Variants in MCHR2 observed in about 807,000 individuals in gnomAD.
MCHR2 encodes melanin concentrating hormone receptor 2.
Under a neutral mutation model 24.8 loss-of-function variants are expected in MCHR2, and 15 were observed. The ratio of observed to expected loss-of-function variants is 0.60; its 90% CI spans 0.40 to 0.93. The LOEUF is 0.93. Among genes scored for constraint, MCHR2 ranks in the 40% least tolerant of loss-of-function variants. The pLI is 0.00. For synonymous variants in MCHR2, 151 were observed against 147.6 expected, an observed-to-expected ratio of 1.02 and a Z score of -0.17; for missense variants, 386 against 408.7, an observed-to-expected ratio of 0.94 and a Z score of 0.48.
chr6:99,922,306 A>G (rs1487396063), intron 5 of MCHR2, among the ~76,000 whole-genome samples: 3 of 151,920 alleles, frequency 2.0e-5, no homozygotes, highest in African/African-American at 4.8e-5. Context: ...ACAGGGTTTC[A>G]CCGTGTTAGC....
At chr6:99,973,785 G>T (rs1436525404) in intron 1 of MCHR2, among the ~76,000 whole-genome samples, 4 of 152,132 alleles carry the variant, frequency 2.6e-5, no homozygotes, top group Non-Finnish European at 5.9e-5. Context: ...GCATTTGCTT[G>T]TCTGTAAAGT....
At chr6:99,965,144 G>T (rs1775271150) in intron 1 of MCHR2, among the ~76,000 whole-genome samples, 1 of 152,064 alleles carries the variant, frequency 6.6e-6, no homozygotes, top group Non-Finnish European at 1.5e-5. Flanking sequence ...GGTTCTGCAG[G>T]TTATAATAAC....
intron 4 of MCHR2, among the ~76,000 whole-genome samples, chr6:99,939,716 T>C (rs1029622520): frequency 1.3e-5 from 2 of 151,898 alleles, no homozygotes; most frequent in Non-Finnish European, 2.9e-5. Context: ...GTGTTTTTTT[T>C]TTTTTCTTTC....
chr6:99,969,252 G>T (rs181272208), intron 1 of MCHR2, among the ~76,000 whole-genome samples: 2 of 151,968 alleles, frequency 1.3e-5, no homozygotes, highest in Non-Finnish European at 2.9e-5. Context: ...GAGGCGGGAG[G>T]ATCACGATGT....
chr6:99,928,956 C>G lies in MCHR2; in HGVS notation c.707+5442G>C, dbSNP rs187693762. On this transcript the variant is annotated intron_variant, in intron 5 of 5. Coordinates refer to ENST00000281806, the MANE Select transcript of MCHR2 (RefSeq NM_001040179.2). Reference sequence around the variant, plus strand: ...GGGTGTCAATTTTGGATCTTTCCTGCTTTCTCTTGTGGGCATTTAGTGCTA... The same window carrying G: ...GGGTGTCAATTTTGGATCTTTCCTGGTTTCTCTTGTGGGCATTTAGTGCTA... Among the ~76,000 whole-genome samples the G allele has an allele frequency of 7.5e-3, 1,142 of 152,178 alleles. 9 individuals carry two copies. Among genetic ancestry groups the G allele is most frequent in the African/African-American group, 0.025 (1,049 of 41,494 alleles).
At chr6:99,934,240 CAT>C (rs775854662) in intron 5 of MCHR2, among the ~76,000 whole-genome samples, 156 bp downstream of exon 5, 37 of 152,192 alleles carry the variant, frequency 2.4e-4, no homozygotes, top group South Asian at 1.4e-3. Flanking sequence ...TTATTTAGCA[CAT>C]GTCTTATTTT....
chr6:99,929,749 G>T (rs1402155063), intron 5 of MCHR2, among the ~76,000 whole-genome samples: 4 of 151,960 alleles, frequency 2.6e-5, no homozygotes, highest in Non-Finnish European at 4.4e-5. Flanking sequence ...CGTGAGATGG[G>T]TGTTCTGAAT....
chr6:99,950,773 C>T (rs1774950574), intron 2 of MCHR2, among the ~76,000 whole-genome samples: 1 of 152,072 alleles, frequency 6.6e-6, no homozygotes, highest in South Asian at 2.1e-4. Flanking sequence ...TTATTGTTTG[C>T]ATTTTCTCAC....
chr6:99,927,705 G>A (rs528933081), intron 5 of MCHR2, among the ~76,000 whole-genome samples: 3 of 152,072 alleles, frequency 2.0e-5, no homozygotes, highest in Non-Finnish European at 4.4e-5. Context: ...AGATTTTGCT[G>A]AAGTTGCTTA....
chr6:99,922,210 C>T (rs1185464978), intron 5 of MCHR2, among the ~76,000 whole-genome samples: 1 of 151,580 alleles, frequency 6.6e-6, no homozygotes, highest in Non-Finnish European at 1.5e-5. Flanking sequence ...GGGTTCATGC[C>T]ATTCTCCTGC....
At chr6:99,966,988 T>C (rs1201109037) in intron 1 of MCHR2, among the ~76,000 whole-genome samples, 4 of 152,174 alleles carry the variant, frequency 2.6e-5, no homozygotes, top group South Asian at 2.1e-4. Context: ...ACCTTTGGGT[T>C]GAACCCATCC....
At chr6:99,942,182 A>G (rs1235258304) in intron 4 of MCHR2, among the ~76,000 whole-genome samples, 5 of 152,188 alleles carry the variant, frequency 3.3e-5, no homozygotes, top group African/African-American at 1.2e-4. Flanking sequence ...CAAACTGCAT[A>G]GCTTAAAACA....
At chr6:99,956,318 TC>T in intron 1 of MCHR2, 144 bp from the exon 2 acceptor site, 1 of 577,096 alleles carries the variant, frequency 1.7e-6, no homozygotes, top group Non-Finnish European at 3.0e-6. Flanking sequence ...GTATGATTGG[TC>T]CCTGTTCATA....
chr6:99,972,510 C>A (rs1775447955), intron 1 of MCHR2, among the ~76,000 whole-genome samples: 1 of 152,198 alleles, frequency 6.6e-6, no homozygotes, highest in East Asian at 1.9e-4. Context: ...TTCAAAAAAC[C>A]AGCTCCTGGA....
chr6:99,984,355 A>C (rs1193294793), intron 1 of MCHR2, among the ~76,000 whole-genome samples: 3 of 151,852 alleles, frequency 2.0e-5, no homozygotes, highest in African/African-American at 4.8e-5. Context: ...GGTGTGCTGC[A>C]CCCATTAACT....
chr6:99,939,154 T>A (rs1184603294), intron 4 of MCHR2, among the ~76,000 whole-genome samples: 1 of 152,028 alleles, frequency 6.6e-6, no homozygotes, highest in Non-Finnish European at 1.5e-5. Context: ...GCCTTTTAAT[T>A]GGAAAATTGA....
intron 1 of MCHR2, among the ~76,000 whole-genome samples, chr6:99,981,461 T>TG (rs1364261813): frequency 3.9e-5 from 6 of 152,284 alleles, no homozygotes; most frequent in African/African-American, 1.4e-4. Flanking sequence ...CCTTTCTCTG[T>TG]GGGAATCTGG....
chr6:99,949,590 C>T (rs530507734), intron 2 of MCHR2, among the ~76,000 whole-genome samples: 3 of 152,160 alleles, frequency 2.0e-5, no homozygotes, highest in South Asian at 4.1e-4. Flanking sequence ...TTAGACTGGG[C>T]GAGGCCATCT....
intron 1 of MCHR2, among the ~76,000 whole-genome samples, chr6:99,961,684 C>T (rs1028851201): frequency 1.3e-5 from 2 of 152,056 alleles, no homozygotes; most frequent in Middle Eastern, 3.4e-3. Context: ...GGGTGGGGGA[C>T]ATCACACACC....
Sources: gnomAD v4.1 joint callset for allele counts (sites outside exome capture counted in the v4.1 genomes callset) on GRCh38, gnomAD v4.1.1 for gene constraint, MANE v1.5 for transcripts, NCBI Gene and HGNC (gene_info 2026-07-23, HGNC 2026-07-21) for gene names.